DCP2: variants seen among roughly 807,000 people sequenced by gnomAD.
DCP2 encodes the protein m7GpppN-mRNA hydrolase.
Under a neutral mutation model 56.1 loss-of-function variants are expected in DCP2, and 30 were observed. The ratio of observed to expected loss-of-function variants is 0.53; its 90% CI spans 0.40 to 0.73. The LOEUF (loss-of-function observed/expected upper bound fraction) is 0.73, where lower values mean the gene tolerates loss of function less well. DCP2 is among the 30% of genes least tolerant of loss of function. The pLI is 0.00. For missense variants in DCP2, 533 were observed against 502.7 expected (o/e 1.06, Z -0.58); for synonymous variants, 197 against 163.3 (o/e 1.21, Z -1.57).
chr5:113,000,027 C>G (rs1198565296), intron 4 of DCP2, among the ~76,000 whole-genome samples: 1 of 140,796 alleles, frequency 7.1e-6, no homozygotes, highest in African/African-American at 2.6e-5. Context: ...CACCATTGCA[C>G]TCCAGCCCGG....
At chr5:113,006,117 CA>C (rs75106280) in intron 8 of DCP2, among the ~76,000 whole-genome samples, 330 of 62,450 alleles carry the variant, frequency 5.3e-3, no homozygotes, top group Middle Eastern at 0.012. Flanking sequence ...ACCCTATCTC[CA>C]AAAAAAAAAA....
rs1390334932 is a variant in DCP2, at chr5:113,020,641, TC to T, written c.*7159del. The T allele has an allele frequency of 1.3e-5, 2 of 152,216 alleles. No homozygotes were observed. Among genetic ancestry groups the T allele is most frequent in the Admixed American group, 1.3e-4 (2 of 15,284 alleles). The allele number at this position is 152,216 out of a possible 1,614,324, so 9.4% of individuals were successfully genotyped here. ...TGTTGGGTATGACTATCAAAGGATT[TC>T]CGGTGATTCATGTTTGTGAATTGGA... On this transcript the variant is annotated 3_prime_UTR_variant, in exon 11 of 11. Transcript: ENST00000389063.
chr5:113,009,066 C>T (rs533982141), intron 9 of DCP2, among the ~76,000 whole-genome samples: 1 of 152,188 alleles, frequency 6.6e-6, no homozygotes, highest in South Asian at 2.1e-4. Context: ...AGGATGGTCT[C>T]GATCTCCAGA....
intron 8 of DCP2, among the ~76,000 whole-genome samples, 177 bp downstream of exon 8, chr5:113,004,254 C>A (rs554421929): frequency 1.3e-5 from 2 of 152,226 alleles, no homozygotes; most frequent in South Asian, 2.1e-4. Context: ...GTTTACAGTT[C>A]CGGTGTAAAT....
chr5:112,991,997 TAAATG>T, intron 2 of DCP2, 119 bp from the exon 3 acceptor site: 3 of 1,418,306 alleles, frequency 2.1e-6, no homozygotes, highest in South Asian at 2.6e-5. Flanking sequence ...ATGCTACACT[TAAATG>T]AGGGAAGATT....
At chr5:112,980,171 G>C (rs983763872) in intron 1 of DCP2, among the ~76,000 whole-genome samples, 1 of 152,162 alleles carries the variant, frequency 6.6e-6, no homozygotes, top group Admixed American at 6.5e-5. Flanking sequence ...GTTTAAACTA[G>C]CTTATTAAAG....
chr5:112,982,380 T>A (rs917019425), intron 1 of DCP2, among the ~76,000 whole-genome samples: 27 of 152,222 alleles, frequency 1.8e-4, no homozygotes, highest in African/African-American at 6.5e-4. Flanking sequence ...GAATTCACTT[T>A]CACAACTCTC....
chr5:112,979,089 C>T (rs1396553582), intron 1 of DCP2, among the ~76,000 whole-genome samples: 1 of 152,026 alleles, frequency 6.6e-6, no homozygotes, highest in Non-Finnish European at 1.5e-5. Flanking sequence ...TGTTAAGCAC[C>T]TGTCAAGTGT....
chr5:112,988,209 G>A (rs935581133), intron 2 of DCP2, among the ~76,000 whole-genome samples: 7 of 151,948 alleles, frequency 4.6e-5, no homozygotes, highest in Middle Eastern at 3.4e-3. Flanking sequence ...AAGGCCGGGT[G>A]CGGTGGCTCA....
chr5:113,009,492 G>T (rs1749585387), intron 9 of DCP2, among the ~76,000 whole-genome samples: 1 of 152,186 alleles, frequency 6.6e-6, no homozygotes, highest in South Asian at 2.1e-4. Context: ...GTTGTGTATT[G>T]AGTGTATTGG....
At chr5:113,003,715 G>T (rs527400672) in intron 7 of DCP2, among the ~76,000 whole-genome samples, 3 of 152,092 alleles carry the variant, frequency 2.0e-5, no homozygotes, top group Non-Finnish European at 4.4e-5. Flanking sequence ...AAAAATAGTA[G>T]TGTATTAATT....
In DCP2 at chr5:113,015,788, G is replaced by C. The variant is rs1235817167; in HGVS notation, c.*2304G>C. ...ACTATACTTATTCTCTCAAACCTGG[G>C]TAATAGTTTCTCAGTGTTCAGGTTA... On this transcript the variant is annotated 3_prime_UTR_variant, in exon 11 of 11. Transcript: ENST00000389063. 1 of 152,636 alleles carries C rather than the reference G, an allele frequency of 6.6e-6. No individual in the cohort carries two copies. Among genetic ancestry groups the C allele is most frequent in the Non-Finnish European group, 1.5e-5 (1 of 68,034 alleles). The allele number at this position is 152,636 out of a possible 1,614,324, so 9.5% of individuals were successfully genotyped here.
At chr5:112,979,418 G>T (rs1040746958) in intron 1 of DCP2, among the ~76,000 whole-genome samples, 5 of 151,764 alleles carry the variant, frequency 3.3e-5, no homozygotes, top group Non-Finnish European at 7.4e-5. Context: ...TTAGAATTTG[G>T]TAAACTTCTG....
At chr5:112,996,892 A>T (rs1295596664) in intron 4 of DCP2, among the ~76,000 whole-genome samples, 8 of 152,262 alleles carry the variant, frequency 5.3e-5, no homozygotes, top group Non-Finnish European at 4.4e-5. Flanking sequence ...TTTTAGAATT[A>T]TGCAACATTT....
At chr5:112,977,491 G>A (rs1176902857) in intron 1 of DCP2, among the ~76,000 whole-genome samples, 3 of 152,268 alleles carry the variant, frequency 2.0e-5, no homozygotes, top group Admixed American at 6.5e-5. Flanking sequence ...ACGCCTGCGT[G>A]TTATTTGTCC....
At chr5:112,983,790 C>T (rs1462576426) in intron 1 of DCP2, among the ~76,000 whole-genome samples, 1 of 152,154 alleles carries the variant, frequency 6.6e-6, no homozygotes, top group Non-Finnish European at 1.5e-5. Flanking sequence ...ATCTGAATGG[C>T]TTCGATCTTC....
At chr5:112,984,697 A>ATATATATATATATATATAT (rs1436502850) in intron 1 of DCP2, 38 of 76,144 alleles carry the variant, frequency 5.0e-4, no homozygotes, top group African/African-American at 1.9e-3. Flanking sequence ...AAAAAAAAAA[A>ATATATATATATATATATAT]AAAAAAATAT....
chr5:113,000,992 C>T (rs1749151536), intron 4 of DCP2, 92 bp from the exon 5 acceptor site: 1 of 1,258,190 alleles, frequency 7.9e-7, no homozygotes, highest in African/African-American at 1.5e-5. Context: ...GTCATGTCCC[C>T]TTTTTCTGAG....
rs1423447404 is a variant in DCP2 at position 113,020,644 on chromosome 5, G to A, written c.*7160G>A. ...TGGGTATGACTATCAAAGGATTTCC[G>A]GTGATTCATGTTTGTGAATTGGAGT... On this transcript the variant is annotated 3_prime_UTR_variant, in exon 11 of 11. Transcript: ENST00000389063. The A allele has an allele frequency of 2.0e-5, 3 of 152,082 alleles. No homozygotes were observed. Among genetic ancestry groups the A allele is most frequent in the African/African-American group, 4.8e-5 (2 of 41,384 alleles). 9.4% of individuals were successfully genotyped at this position (152,082 alleles called of 1,614,324 possible).
Sources: gnomAD v4.1 joint callset for allele counts (sites outside exome capture counted in the v4.1 genomes callset) on GRCh38, gnomAD v4.1.1 for gene constraint, MANE v1.5 for transcripts, NCBI Gene and HGNC (gene_info 2026-07-23, HGNC 2026-07-21) for gene names.